Variants in LASP1 observed in about 807,000 individuals in gnomAD.
The protein encoded by LASP1 is LIM and SH3 domain protein 1.
Under a neutral mutation model 38.6 loss-of-function variants are expected in LASP1, and 10 were observed. That is an observed-to-expected ratio of 0.26 (90% confidence interval 0.16 to 0.44). The LOEUF (loss-of-function observed/expected upper bound fraction) is 0.44. Ranked by LOEUF, LASP1 falls within the 20% of genes least tolerant of loss-of-function variation. LASP1 has a pLI of 1.00. For missense variants in LASP1, 243 were observed against 375.7 expected (o/e 0.65, Z 2.92); for synonymous variants, 132 against 140.8 (o/e 0.94, Z 0.44).
In LASP1 at chr17:38,920,296, T is replaced by G. The variant is rs1026783176; in HGVS notation, c.*1518T>G. 173 of 402,588 alleles carry G rather than the reference T, an allele frequency of 4.3e-4. No homozygotes were observed. The highest frequency in any genetic ancestry group is 8.6e-5 in the Non-Finnish European group (18 of 209,260). 24.9% of individuals were successfully genotyped at this position (402,588 alleles called of 1,614,324 possible). ...GTGTCTCCCTCGGGGGCTCTTCCCC[T>G]AGACCTCCCCCTCACTTACATAAAG... is the stretch of plus-strand genomic sequence containing the variant. On this transcript the variant is annotated 3_prime_UTR_variant, in exon 7 of 7. Transcript: ENST00000318008.
At position 38,918,700 on chromosome 17, in the gene LASP1, C is replaced by A; in HGVS notation, c.708C>A (p.Asp236Glu). ...GDTIVNVQQI[D>E]DGWMYGTVER... ...CCATCGTCAACGTGCAGCAGATCGA[C>A]GACGGCTGGATGTACGGGACGGTGG... Residue 236 changes from aspartate to glutamate, a missense_variant, in exon 7 of 7, where the codon GAC becomes GAA. Coordinates refer to ENST00000318008, the MANE Select transcript of LASP1 (RefSeq NM_006148.4). The surrounding 1 kb of genome is among the most constrained non-coding windows in gnomAD (Gnocchi z 4.4). The A allele has an allele frequency of 6.2e-7, 1 of 1,614,128 alleles. No individual in the cohort carries two copies. The highest frequency in any genetic ancestry group is 8.5e-7 in the Non-Finnish European group (1 of 1,179,992).
Position 38,890,484 on chromosome 17 carries a change from C to T in LASP1, c.229C>T (p.Gln77Ter). Residue 77 changes from glutamine (Q) to a stop codon, truncating the protein, a stop_gained, in exon 3 of 7, where the codon CAG becomes TAG. Coordinates refer to ENST00000318008, the MANE Select transcript of LASP1 (RefSeq NM_006148.4). LOFTEE classifies it high-confidence loss of function. ...DTPENLRLKQ[Q>*]SELQSQVRYK... ...CCCGGAAAACCTTCGCCTCAAGCAA[C>T]AGAGTGAGCTCCAGAGTCAGGTGAG... is the stretch of plus-strand genomic sequence containing the variant. 6.2e-7 allele frequency: 1 copy of T among 1,613,946 alleles called. No individual in the cohort carries two copies. The highest frequency in any genetic ancestry group is 8.5e-7 in the Non-Finnish European group (1 of 1,179,992).
At chr17:38,888,775 G>A (rs1429374903) in intron 2 of LASP1, among the ~76,000 whole-genome samples, 1 of 152,218 alleles carries the variant, frequency 6.6e-6, no homozygotes. Flanking sequence ...CCAGCACACC[G>A]TTTCCTCCTC....
chr17:38,918,531 A>G lies in LASP1; in HGVS notation c.613-74A>G, dbSNP rs958583034. 6.9e-6 allele frequency: 10 copies of G among 1,451,068 alleles called. No individual in the cohort carries two copies. Among genetic ancestry groups the G allele is most frequent in the Admixed American group, 2.2e-5 (1 of 46,384 alleles). 89.9% of individuals were successfully genotyped at this position (1,451,068 alleles called of 1,614,324 possible). A position where few individuals can be genotyped will look rare whatever the true frequency, so the allele number is the denominator to read the frequency against. On this transcript the variant is annotated intron_variant, in intron 6 of 6. Transcript: ENST00000318008. This position sits in a 1 kb window ranked among gnomAD's most constrained non-coding sequence, Gnocchi z 4.4. ...CCCAGGCTCTGCTCCAGGGTCGTGG[A>G]GAGTTAGAAAAAAATGCTCAGACCC... is the stretch of plus-strand genomic sequence containing the variant.
At chr17:38,914,186 G>C in intron 4 of LASP1, 139 bp from the exon 5 acceptor site, 3 of 981,298 alleles carry the variant, frequency 3.1e-6, no homozygotes, top group Non-Finnish European at 4.6e-6. Context: ...ACACACAGCT[G>C]GTGCTTCCAG....
At chr17:38,887,186 G>A (rs1914165141) in intron 2 of LASP1, among the ~76,000 whole-genome samples, 1 of 152,116 alleles carries the variant, frequency 6.6e-6, no homozygotes, top group South Asian at 2.1e-4. Context: ...TCGAGTGCTG[G>A]GCCAGAGCTG....
intron 4 of LASP1, among the ~76,000 whole-genome samples, chr17:38,906,565 A>G (rs1191128597): frequency 1.3e-5 from 2 of 152,038 alleles, no homozygotes; most frequent in Non-Finnish European, 2.9e-5. Context: ...GTTAAAAAAG[A>G]AAAGGAAATG....
At chr17:38,892,761 G>A (rs958148011) in intron 3 of LASP1, among the ~76,000 whole-genome samples, 1 of 152,212 alleles carries the variant, frequency 6.6e-6, no homozygotes, top group African/African-American at 2.4e-5. Flanking sequence ...AGGGCATGCT[G>A]TTGGCAGGGG....
intron 1 of LASP1, among the ~76,000 whole-genome samples, chr17:38,874,673 C>T (rs11654576): frequency 0.086 from 13,046 of 152,182 alleles, 875 homozygotes; most frequent in East Asian, 0.38. Context: ...TTCATAGTAA[C>T]TGGTTTCCAT....
intron 4 of LASP1, among the ~76,000 whole-genome samples, chr17:38,906,613 C>CT (rs1210433029): frequency 3.9e-5 from 6 of 152,122 alleles, no homozygotes; most frequent in Admixed American, 3.9e-4. Context: ...AAGACCCTAG[C>CT]TGGTGAGCTG....
At chr17:38,905,028 A>G (rs1176669969) in intron 4 of LASP1, among the ~76,000 whole-genome samples, 1 of 152,158 alleles carries the variant, frequency 6.6e-6, no homozygotes, top group Non-Finnish European at 1.5e-5. Context: ...TCTCTTACAC[A>G]CCATTGGGTT....
intron 6 of LASP1, chr17:38,915,403 A>G (rs1454347157): frequency 2.8e-6 from 1 of 357,542 alleles, no homozygotes; most frequent in Middle Eastern, 8.1e-4. Flanking sequence ...TCCTTACCCC[A>G]GCTACCTGGG....
intron 4 of LASP1, among the ~76,000 whole-genome samples, chr17:38,902,992 T>G (rs113076602): frequency 0.043 from 6,615 of 152,246 alleles, 348 homozygotes; most frequent in African/African-American, 0.12. Context: ...TGTGAGCCAC[T>G]GTGCCCAGCT....
intron 3 of LASP1, among the ~76,000 whole-genome samples, chr17:38,894,598 T>C (rs1367960593): frequency 6.6e-6 from 1 of 152,150 alleles, no homozygotes; most frequent in Admixed American, 6.6e-5. Flanking sequence ...TTGCTACTAC[T>C]GTTCTCCCGG....
Position 38,875,269 on chromosome 17 carries a change from T to G in LASP1, c.70-2817T>G, listed in dbSNP as rs180766513. Among the ~76,000 whole-genome samples, 260 of 152,036 alleles carry G rather than the reference T, an allele frequency of 1.7e-3. 1 individual carries two copies. Among genetic ancestry groups the G allele is most frequent in the East Asian group, 0.012 (62 of 5,160 alleles). On this transcript the variant is annotated intron_variant, in intron 1 of 6. Coordinates refer to ENST00000318008, the MANE Select transcript of LASP1 (RefSeq NM_006148.4). ...CACCCTGCCAATGCCTCCCAGTTAC[T>G]CGGGGAGGGAGTGGGGCTGTCACTT...
In LASP1 at chr17:38,870,099, A is replaced by G; in HGVS notation, c.-91A>G. 1 of 1,383,724 alleles carries G rather than the reference A, an allele frequency of 7.2e-7. No homozygotes were observed. The highest frequency in any genetic ancestry group is 1.0e-6 in the Non-Finnish European group (1 of 987,012). 85.7% of individuals were successfully genotyped at this position (1,383,724 alleles called of 1,614,324 possible). On this transcript the variant is annotated 5_prime_UTR_variant, in exon 1 of 7. Transcript: ENST00000318008. ...CAGCCGCCGTCGCTGCTGCCTGTGT[A>G]GTTGCAGCCGCGGCCGCCTCCCGCC...
At chr17:38,901,400 C>T (rs1233093644) in intron 4 of LASP1, among the ~76,000 whole-genome samples, 1 of 152,190 alleles carries the variant, frequency 6.6e-6, no homozygotes, top group African/African-American at 2.4e-5. Flanking sequence ...AGGGATCGAC[C>T]CCGACCTGCT....
intron 1 of LASP1, among the ~76,000 whole-genome samples, chr17:38,874,761 G>A (rs1302429323): frequency 6.6e-6 from 1 of 152,174 alleles, no homozygotes; most frequent in Admixed American, 6.5e-5. Flanking sequence ...GGATGAGAGT[G>A]TGGGGCCTGT....
In LASP1 at chr17:38,918,783, G is replaced by T. The variant is rs373017181; in HGVS notation, c.*5G>T. ...AACTACGTGGAGGCCATCTGAACCC[G>T]CAGCGCCCCCATCTGTCTTCAGCAC... On this transcript the variant is annotated 3_prime_UTR_variant, in exon 7 of 7. Transcript: ENST00000318008. The surrounding 1 kb of genome is among the most constrained non-coding windows in gnomAD (Gnocchi z 4.4). 2.5e-6 allele frequency: 4 copies of T among 1,613,176 alleles called. No homozygotes were observed. Among genetic ancestry groups the T allele is most frequent in the Non-Finnish European group, 3.4e-6 (4 of 1,179,888 alleles).
Sources: gnomAD v4.1 joint callset for allele counts (sites outside exome capture counted in the v4.1 genomes callset) on GRCh38, gnomAD v4.1.1 for gene constraint, Gnocchi (gnomAD v3.1) non-coding constraint, MANE v1.5 for transcripts, NCBI Gene and HGNC (gene_info 2026-07-23, HGNC 2026-07-21) for gene names.